Variants in AADACL2 observed in about 807,000 individuals in gnomAD.
AADACL2 encodes the protein arylacetamide deacetylase-like 2.
Under a neutral mutation model 22.3 loss-of-function variants are expected in AADACL2, and 23 were observed. The observed-to-expected ratio is 1.03, with a 90% CI of 0.74 to 1.46. The LOEUF (loss-of-function observed/expected upper bound fraction) is 1.46, where lower values mean the gene tolerates loss of function less well. Among genes scored for constraint, AADACL2 ranks in the 40% most tolerant of loss-of-function variants. The probability of loss-of-function intolerance (pLI) is 0.00; values close to 1 mark genes in which losing one functional copy is unlikely to be tolerated. For missense variants in AADACL2, 472 were observed against 482.9 expected (o/e 0.98, Z 0.21); for synonymous variants, 177 against 166.2 (o/e 1.07, Z -0.50).
chr3:151,748,027 C>T (rs534890882), intron 4 of AADACL2, among the ~76,000 whole-genome samples: 4 of 152,154 alleles, frequency 2.6e-5, no homozygotes, highest in African/African-American at 9.6e-5. Flanking sequence ...CCTTATTGAA[C>T]CCATGATTTG....
chr3:151,734,072 GTTCTTT>G lies in AADACL2; in HGVS notation c.40_45del (p.Leu14_Phe15del). The G allele has an allele frequency of 6.2e-7, 1 of 1,613,354 alleles. No homozygotes were observed. The highest frequency in any genetic ancestry group is 1.1e-5 in the South Asian group (1 of 91,018). Reference sequence around the variant, plus strand: ...AGCTCTCTGTTTGGGGCTGCTTTGTGTTCTTTTTGTCTCTCATTTTTACACACCCAT... The same window carrying G: ...AGCTCTCTGTTTGGGGCTGCTTTGTGTTGTCTCTCATTTTTACACACCCAT... On this transcript the variant is annotated inframe_deletion, in exon 1 of 5. Coordinates refer to ENST00000356517, the MANE Select transcript of AADACL2 (RefSeq NM_207365.4).
chr3:151,740,753 T>C lies in AADACL2; in HGVS notation c.246T>C (p.Thr82=). 3 of 1,613,990 alleles carry C rather than the reference T, an allele frequency of 1.9e-6. No individual in the cohort carries two copies. Among genetic ancestry groups the C allele is most frequent in the Non-Finnish European group, 8.5e-7 (1 of 1,179,930 alleles). ...QPLSDEYITV[T]DTTFVDIPVR... Reference sequence around the variant, plus strand: ...TTTCAGATGAATACATCACAGTGACTGATACAACATTTGTTGACATTCCAG... The same window carrying C: ...TTTCAGATGAATACATCACAGTGACCGATACAACATTTGTTGACATTCCAG... Residue 82 remains threonine (T), a synonymous_variant, in exon 2 of 5, where the codon ACT becomes ACC. Coordinates refer to ENST00000356517, the MANE Select transcript of AADACL2 (RefSeq NM_207365.4).
chr3:151,753,974 GA>G (rs1400064854), intron 4 of AADACL2, among the ~76,000 whole-genome samples: 1 of 152,140 alleles, frequency 6.6e-6, no homozygotes, highest in Non-Finnish European at 1.5e-5. Flanking sequence ...GGGCACTTGG[GA>G]AATGGGAGAG....
rs371561457 is a variant in AADACL2, at chr3:151,757,062, C to T, written c.674C>T (p.Thr225Ile). Residue 225 changes from threonine to isoleucine, a missense_variant, in exon 5 of 5, where the codon ACA (threonine) becomes ATA (isoleucine). Coordinates refer to ENST00000356517, the MANE Select transcript of AADACL2 (RefSeq NM_207365.4). ...TTACTTTACCCTGGCTTACAGATAA[C>T]AGATTCTTATTTGCCATCTCACCGA... ...QVLLYPGLQI[T>I]DSYLPSHREN... is the part of the protein sequence containing the mutation. 1.7e-5 allele frequency: 28 copies of T among 1,612,510 alleles called. No individual in the cohort carries two copies. The highest frequency in any genetic ancestry group is 2.3e-5 in the Non-Finnish European group (27 of 1,179,428).
In AADACL2 at chr3:151,740,669, T is replaced by C. The variant is rs761590861; in HGVS notation, c.162T>C (p.Arg54=). The change falls in exon 2 of 5, where the codon CGT becomes CGC. Residue 54 remains arginine (R), a synonymous_variant. Coordinates refer to ENST00000356517, the MANE Select transcript of AADACL2 (RefSeq NM_207365.4). ...TFTAMCFENM[R]IMRYEEFISM... ...AGGCTATGTGTTTTGAAAATATGCG[T>C]ATTATGAGATATGAAGAGTTTATAT... The C allele has an allele frequency of 5.6e-6, 9 of 1,612,048 alleles. No individual in the cohort carries two copies. Among genetic ancestry groups the C allele is most frequent in the Non-Finnish European group, 6.8e-6 (8 of 1,178,894 alleles).
chr3:151,747,647 C>T (rs1307090277), intron 4 of AADACL2, among the ~76,000 whole-genome samples: 1 of 151,254 alleles, frequency 6.6e-6, no homozygotes, highest in African/African-American at 2.4e-5. Context: ...TGTAGATACA[C>T]ACACACACAC....
At chr3:151,753,203 A>G (rs1292657953) in intron 4 of AADACL2, among the ~76,000 whole-genome samples, 1 of 152,160 alleles carries the variant, frequency 6.6e-6, no homozygotes, top group Admixed American at 6.5e-5. Context: ...GGTCACCTGA[A>G]GTCCATCAGA....
intron 4 of AADACL2, among the ~76,000 whole-genome samples, 162 bp from the exon 5 acceptor site, chr3:151,756,830 T>G (rs1257696715): frequency 6.6e-6 from 1 of 151,868 alleles, no homozygotes; most frequent in South Asian, 2.1e-4. Flanking sequence ...TTTGAATTTT[T>G]TTATGCCATG....
At chr3:151,739,762 T>G (rs1418230192) in intron 1 of AADACL2, among the ~76,000 whole-genome samples, 1 of 152,190 alleles carries the variant, frequency 6.6e-6, no homozygotes, top group Non-Finnish European at 1.5e-5. Context: ...CTTTGCTACA[T>G]GGTGCTGAAT....
At chr3:151,743,097 G>A (rs1426127794) in intron 2 of AADACL2, among the ~76,000 whole-genome samples, 1 of 152,002 alleles carries the variant, frequency 6.6e-6, no homozygotes, top group Non-Finnish European at 1.5e-5. Context: ...CTTAGGTCTT[G>A]TACATTTTGG....
intron 4 of AADACL2, among the ~76,000 whole-genome samples, chr3:151,751,146 AAG>A (rs1168662362): frequency 1.3e-5 from 2 of 151,886 alleles, no homozygotes; most frequent in African/African-American, 4.9e-5. Context: ...ATTTATTTGA[AAG>A]ATCTTACTGG....
chr3:151,735,937 CA>C (rs1713072296), intron 1 of AADACL2, among the ~76,000 whole-genome samples: 1 of 151,922 alleles, frequency 6.6e-6, no homozygotes, highest in African/African-American at 2.4e-5. Flanking sequence ...TGACATAACA[CA>C]AAAGTCCTCG....
At chr3:151,742,540 T>C (rs1031276378) in intron 2 of AADACL2, among the ~76,000 whole-genome samples, 1 of 152,058 alleles carries the variant, frequency 6.6e-6, no homozygotes, top group African/African-American at 2.4e-5. Flanking sequence ...GGTTATGAAA[T>C]GAAACTGGAA....
intron 4 of AADACL2, among the ~76,000 whole-genome samples, chr3:151,749,694 G>C (rs942611023): frequency 1.8e-4 from 28 of 152,062 alleles, no homozygotes; most frequent in African/African-American, 6.8e-4. Context: ...TGTTAACCAG[G>C]ATGGTCTCGA....
At chr3:151,743,015 G>T (rs1414631098) in intron 2 of AADACL2, among the ~76,000 whole-genome samples, 3 of 151,570 alleles carry the variant, frequency 2.0e-5, no homozygotes, top group Admixed American at 1.3e-4. Flanking sequence ...TTTTTTAATA[G>T]AAATTAAAGC....
intron 3 of AADACL2, among the ~76,000 whole-genome samples, chr3:151,744,604 C>T (rs1159788198): frequency 6.6e-6 from 1 of 152,164 alleles, no homozygotes; most frequent in Non-Finnish European, 1.5e-5. Flanking sequence ...CTGGCTTATA[C>T]ATTCTATCAA....
At position 151,759,703 on chromosome 3, in the gene AADACL2, C is replaced by A. The variant is rs1161506182; in HGVS notation, c.*2109C>A. 1 of 152,096 alleles carries A rather than the reference C, an allele frequency of 6.6e-6. No homozygotes were observed. The highest frequency in any genetic ancestry group is 1.5e-5 in the Non-Finnish European group (1 of 67,990). 9.4% of individuals were successfully genotyped at this position (152,096 alleles called of 1,614,324 possible). ...TTGTAAATTTGGTCCCAGAATATTTCTGGAAGGAACCACAGGTAGACTAGC... is the reference window on the plus strand; with the variant it reads ...TTGTAAATTTGGTCCCAGAATATTTATGGAAGGAACCACAGGTAGACTAGC... On this transcript the variant is annotated 3_prime_UTR_variant, in exon 5 of 5. Coordinates refer to ENST00000356517, the MANE Select transcript of AADACL2 (RefSeq NM_207365.4).
chr3:151,750,595 T>C (rs1225635296), intron 4 of AADACL2, among the ~76,000 whole-genome samples: 2 of 152,162 alleles, frequency 1.3e-5, no homozygotes, highest in African/African-American at 4.8e-5. Flanking sequence ...AGACTTCTTT[T>C]TGAGAAACAC....
At chr3:151,749,505 CAG>C (rs796148435) in intron 4 of AADACL2, among the ~76,000 whole-genome samples, 30 of 151,876 alleles carry the variant, frequency 2.0e-4, no homozygotes, top group African/African-American at 7.0e-4. Flanking sequence ...GTTTTTGAAA[CAG>C]AGTCTCCCTC....
Sources: allele counts gnomAD v4.1 joint callset (sites outside exome capture counted in the v4.1 genomes callset), GRCh38; gene constraint gnomAD v4.1.1; transcripts MANE v1.5; gene names NCBI Gene and HGNC (gene_info 2026-07-23, HGNC 2026-07-21).